GALNT16: variants seen among roughly 807,000 people sequenced by gnomAD.
GALNT16 encodes polypeptide N-acetylgalactosaminyltransferase 16, also known as UDP-GalNAc:polypeptide N-acetylgalactosaminyltransferase-like protein 1.
GALNT16 carries 40 observed loss-of-function variants against 76.1 expected under a neutral mutation model. The observed-to-expected ratio is 0.53, with a 90% CI of 0.41 to 0.68. The LOEUF is 0.68. Among genes scored for constraint, GALNT16 ranks in the 30% least tolerant of loss-of-function variants. GALNT16 has a pLI of 0.00. For synonymous variants in GALNT16, 276 were observed against 285.2 expected (o/e 0.97, Z 0.32); for missense variants, 621 against 731.9 (o/e 0.85, Z 1.75).
chr14:69,288,655 G>A (rs535954525), intron 1 of GALNT16, among the ~76,000 whole-genome samples: 2 of 152,246 alleles, frequency 1.3e-5, no homozygotes, highest in African/African-American at 4.8e-5. Context: ...GAGATTAATG[G>A]GCCCTTCCTA....
intron 5 of GALNT16, among the ~76,000 whole-genome samples, chr14:69,327,838 G>C (rs1004520333): frequency 1.4e-4 from 22 of 152,330 alleles, no homozygotes; most frequent in Admixed American, 7.8e-4. Context: ...GGCTATCGGG[G>C]GACAGGCACA....
chr14:69,350,865 T>G (rs1566891845), intron 14 of GALNT16: 1 of 152,224 alleles, frequency 6.6e-6, no homozygotes, highest in Non-Finnish European at 1.5e-5. Context: ...ACTAGACCTA[T>G]CTTACTATTA....
chr14:69,360,859 C>T (rs1396950586), downstream of GALNT16, among the ~76,000 whole-genome samples: 1 of 152,182 alleles, frequency 6.6e-6, no homozygotes. Context: ...GTTCTGGTCC[C>T]CTGACGGGGC....
rs537561268 is a variant in GALNT16, at chr14:69,277,913, A to T, written c.177+17446A>T. Among the ~76,000 whole-genome samples the T allele has an allele frequency of 2.8e-5, 4 of 143,322 alleles. No homozygotes were observed. The East Asian group carries it at 6.0e-4, about 22-fold the overall frequency. The allele number at this position is 143,322 out of a possible 152,430, so 94.0% of individuals were successfully genotyped here. A position where few individuals can be genotyped will look rare whatever the true frequency, so the allele number is the denominator to read the frequency against. On this transcript the variant is annotated intron_variant, in intron 1 of 14. Transcript: ENST00000448469. ...GTTTCCTGACTTTTTAATGATCGCC[A>T]TTCTAACATTTATGCAGCCAACAGA...
intron 14 of GALNT16, chr14:69,350,078 G>C (rs2045613845): frequency 6.6e-6 from 1 of 152,206 alleles, no homozygotes; most frequent in Non-Finnish European, 1.5e-5. Context: ...CGGGCGTGGT[G>C]GCGCGCGTCT....
At chr14:69,279,034 C>G (rs1369843649) in intron 1 of GALNT16, among the ~76,000 whole-genome samples, 3 of 151,828 alleles carry the variant, frequency 2.0e-5, no homozygotes, top group Non-Finnish European at 4.4e-5. Context: ...CAGGTTCAAG[C>G]GATTCTCCGG....
chr14:69,280,028 GT>G (rs2140114909), intron 1 of GALNT16, among the ~76,000 whole-genome samples: 1 of 152,272 alleles, frequency 6.6e-6, no homozygotes, highest in East Asian at 1.9e-4. Context: ...ATTTTGTATT[GT>G]AGTAAAATAC....
intron 1 of GALNT16, among the ~76,000 whole-genome samples, chr14:69,316,112 G>A (rs891332487): frequency 3.9e-5 from 6 of 152,190 alleles, no homozygotes. Context: ...GTGGTGCTTG[G>A]GGTGTTGGTG....
intron 5 of GALNT16, 52 bp downstream of exon 5, chr14:69,326,079 G>A: frequency 7.4e-7 from 1 of 1,343,036 alleles, no homozygotes; most frequent in African/African-American, 1.4e-5. Context: ...GTGTCATCCT[G>A]TGCACTTCCC....
At chr14:69,286,304 CT>C (rs35362251) in intron 1 of GALNT16, among the ~76,000 whole-genome samples, 2,297 of 142,058 alleles carry the variant, frequency 0.016, 56 homozygotes, top group African/African-American at 0.054. Context: ...TCCAAAGGCA[CT>C]TTTTTTTTTT....
In GALNT16 at chr14:69,353,946, G is replaced by A. The variant is rs371511604; in HGVS notation, c.*1778G>A. On this transcript the variant is annotated 3_prime_UTR_variant, in exon 15 of 15. Transcript: ENST00000448469. ...CTCTGGAGGGCTCTCCAGCAGTTTC[G>A]CCTCCTGACTCTCACCAGCGTCCTC... The A allele has an allele frequency of 6.6e-4, 100 of 152,580 alleles. No homozygotes were observed. The South Asian group carries it at 8.1e-3, about 12-fold the overall frequency. 9.5% of individuals were successfully genotyped at this position (152,580 alleles called of 1,614,324 possible). A position where few individuals can be genotyped will look rare whatever the true frequency, so the allele number is the denominator to read the frequency against.
intron 9 of GALNT16, among the ~76,000 whole-genome samples, chr14:69,334,749 G>A (rs751748875): frequency 1.2e-4 from 19 of 152,174 alleles, no homozygotes; most frequent in African/African-American, 1.9e-4. Context: ...CCCCCACCCC[G>A]TCATCTCCTG....
downstream of GALNT16, chr14:69,357,853 C>G (rs1345103719): frequency 6.6e-6 from 1 of 152,386 alleles, no homozygotes; most frequent in Non-Finnish European, 1.5e-5. Context: ...ATTGAGTGGT[C>G]CAAGTGATGC....
At chr14:69,276,085 G>A (rs967168200) in intron 1 of GALNT16, among the ~76,000 whole-genome samples, 11 of 152,140 alleles carry the variant, frequency 7.2e-5, no homozygotes, top group Non-Finnish European at 1.6e-4. Flanking sequence ...AATAGCACGG[G>A]AAAGATGATT....
chr14:69,300,068 G>A (rs2044828481), intron 1 of GALNT16, among the ~76,000 whole-genome samples: 1 of 152,204 alleles, frequency 6.6e-6, no homozygotes, highest in African/African-American at 2.4e-5. Flanking sequence ...TTTAGGAAGG[G>A]ATGTTTCCTA....
chr14:69,290,072 T>G (rs527385568), intron 1 of GALNT16, among the ~76,000 whole-genome samples: 1 of 152,308 alleles, frequency 6.6e-6, no homozygotes, highest in South Asian at 2.1e-4. Context: ...GAATTTCATA[T>G]GAACATATGC....
At chr14:69,296,740 A>C (rs867019544) in intron 1 of GALNT16, among the ~76,000 whole-genome samples, 166 of 149,698 alleles carry the variant, frequency 1.1e-3, no homozygotes, top group African/African-American at 3.9e-3. Context: ...ATAGATAGAT[A>C]GATAGATAGA....
chr14:69,282,390 T>C (rs1566863437), intron 1 of GALNT16, among the ~76,000 whole-genome samples: 1 of 152,142 alleles, frequency 6.6e-6, no homozygotes, highest in Non-Finnish European at 1.5e-5. Context: ...CTGGGCGCTT[T>C]GCACAGGCCA....
At chr14:69,304,098 G>A (rs2044896622) in intron 1 of GALNT16, among the ~76,000 whole-genome samples, 1 of 152,142 alleles carries the variant, frequency 6.6e-6, no homozygotes, top group South Asian at 2.1e-4. Context: ...CACGTTTAAT[G>A]ATGACACTTT....
Sources: gnomAD v4.1 joint callset for allele counts (sites outside exome capture counted in the v4.1 genomes callset) on GRCh38, gnomAD v4.1.1 for gene constraint, MANE v1.5 for transcripts, NCBI Gene and HGNC (gene_info 2026-07-23, HGNC 2026-07-21) for gene names.